EXOC6B: variants seen among roughly 807,000 people sequenced by gnomAD.
EXOC6B encodes SEC15 homolog B.
In EXOC6B, 54 loss-of-function variants were observed where a neutral mutation model predicts 113.5. The ratio of observed to expected loss-of-function variants is 0.48; its 90% CI spans 0.38 to 0.60. The LOEUF is 0.60. Ranked by LOEUF, EXOC6B falls within the 20% of genes least tolerant of loss-of-function variation. The pLI is 0.00. For synonymous variants in EXOC6B, 357 were observed against 339.0 expected, an observed-to-expected ratio of 1.05 and a Z score of -0.58; for missense variants, 797 against 977.5, an observed-to-expected ratio of 0.82 and a Z score of 2.46.
chr2:72,193,309 C>A (rs374273014), intron 20 of EXOC6B, among the ~76,000 whole-genome samples: 4 of 152,178 alleles, frequency 2.6e-5, no homozygotes, highest in Admixed American at 6.5e-5. Context: ...TAGAATTGAC[C>A]AATGACCCAT....
chr2:72,344,447 A>T, intron 19 of EXOC6B, among the ~76,000 whole-genome samples: 1 of 148,132 alleles, frequency 6.8e-6, no homozygotes, highest in African/African-American at 2.5e-5. Context: ...GTTTCTGTTG[A>T]TTTACTTTTT....
chr2:72,329,916 A>G (rs1688335201), intron 20 of EXOC6B, among the ~76,000 whole-genome samples: 1 of 152,116 alleles, frequency 6.6e-6, no homozygotes, highest in African/African-American at 2.4e-5. Flanking sequence ...CACTGTGTTT[A>G]CTTTAGATTG....
chr2:72,360,535 A>T (rs1690247682), intron 19 of EXOC6B, among the ~76,000 whole-genome samples: 3 of 152,188 alleles, frequency 2.0e-5, no homozygotes, highest in African/African-American at 7.2e-5. Flanking sequence ...ATGGAGGACT[A>T]GTGTCTGCTG....
At chr2:72,511,129 C>T (rs143128681) in intron 11 of EXOC6B, among the ~76,000 whole-genome samples, 156 of 152,080 alleles carry the variant, frequency 1.0e-3, no homozygotes, top group African/African-American at 3.4e-3. Flanking sequence ...GTTCTGTATA[C>T]TATAACAAAA....
Position 72,201,094 on chromosome 2 carries a change from A to G in EXOC6B, c.2197-16907T>C, listed in dbSNP as rs575912803. Among the ~76,000 whole-genome samples, 18 of 151,918 alleles carry G rather than the reference A, an allele frequency of 1.2e-4. 1 individual carries two copies. The South Asian group carries it at 3.7e-3, about 32-fold the overall frequency. ...ATGTTCTGTTTTTTAGTTTATATAT[A>G]TATATACACACACACACATACTAGG... On this transcript the variant is annotated intron_variant, in intron 20 of 21. Coordinates refer to ENST00000272427, the MANE Select transcript of EXOC6B (RefSeq NM_015189.3).
intron 19 of EXOC6B, among the ~76,000 whole-genome samples, chr2:72,357,855 C>T (rs375770291): frequency 2.6e-4 from 39 of 152,244 alleles, no homozygotes; most frequent in African/African-American, 7.9e-4. Flanking sequence ...ATTATACATG[C>T]TGTACAGGTT....
chr2:72,628,040 A>G (rs1370412894), intron 6 of EXOC6B, among the ~76,000 whole-genome samples: 1 of 152,200 alleles, frequency 6.6e-6, no homozygotes, highest in Non-Finnish European at 1.5e-5. Context: ...GAATTTCCAA[A>G]TTTTAAACAG....
intron 6 of EXOC6B, among the ~76,000 whole-genome samples, chr2:72,618,350 C>A (rs749691595): frequency 4.9e-4 from 74 of 151,872 alleles, no homozygotes; most frequent in Non-Finnish European, 1.0e-3. Flanking sequence ...GCCTGGGTGA[C>A]GAGAGTGAAA....
chr2:72,498,846 AT>A (rs1558734733), intron 12 of EXOC6B, among the ~76,000 whole-genome samples: 1 of 152,134 alleles, frequency 6.6e-6, no homozygotes, highest in Admixed American at 6.5e-5. Context: ...ATCCCTTCCT[AT>A]AAGTCCTACT....
intron 20 of EXOC6B, among the ~76,000 whole-genome samples, chr2:72,283,124 A>G (rs1161522707): frequency 6.6e-6 from 1 of 152,172 alleles, no homozygotes; most frequent in African/African-American, 2.4e-5. Flanking sequence ...AGGACACATA[A>G]GACATTTACC....
At chr2:72,259,448 G>GA (rs1185425951) in intron 20 of EXOC6B, among the ~76,000 whole-genome samples, 1 of 152,000 alleles carries the variant, frequency 6.6e-6, no homozygotes. Context: ...GAACTCTTGG[G>GA]ATCTTTCATC....
chr2:72,556,227 A>C (rs1288960218), intron 8 of EXOC6B, among the ~76,000 whole-genome samples: 1 of 152,190 alleles, frequency 6.6e-6, no homozygotes, highest in Non-Finnish European at 1.5e-5. Context: ...ACTTTTAGCC[A>C]AAGCTCTAGA....
intron 1 of EXOC6B, among the ~76,000 whole-genome samples, chr2:72,802,078 A>G (rs758602763): frequency 6.6e-6 from 1 of 152,204 alleles, no homozygotes; most frequent in Non-Finnish European, 1.5e-5. Context: ...TACTCCCAGC[A>G]CTTTGGGAGG....
At chr2:72,272,657 C>A (rs1157948383) in intron 20 of EXOC6B, among the ~76,000 whole-genome samples, 1 of 152,190 alleles carries the variant, frequency 6.6e-6, no homozygotes, top group East Asian at 1.9e-4. Context: ...AACAACTAAG[C>A]CTTAGTAACA....
intron 11 of EXOC6B, among the ~76,000 whole-genome samples, chr2:72,504,056 T>C (rs1700476694): frequency 6.6e-6 from 1 of 152,074 alleles, no homozygotes. Flanking sequence ...CACAGGCACA[T>C]GCAACCATGT....
At chr2:72,230,208 T>G (rs1041115942) in intron 20 of EXOC6B, among the ~76,000 whole-genome samples, 7 of 152,282 alleles carry the variant, frequency 4.6e-5, no homozygotes, top group Middle Eastern at 3.4e-3. Context: ...TGTCCCAAAT[T>G]TATTTACTAT....
chr2:72,676,777 A>G (rs187779162), intron 6 of EXOC6B, among the ~76,000 whole-genome samples: 1 of 152,318 alleles, frequency 6.6e-6, no homozygotes, highest in East Asian at 1.9e-4. Flanking sequence ...CTCTAACCAA[A>G]GAGGGCAAGA....
chr2:72,483,439 T>C (rs918285276), intron 16 of EXOC6B, among the ~76,000 whole-genome samples: 1 of 152,194 alleles, frequency 6.6e-6, no homozygotes, highest in African/African-American at 2.4e-5. Flanking sequence ...GAGAAAATTA[T>C]CCTGTTTTAC....
Position 72,465,273 on chromosome 2 carries a change from G to A in EXOC6B, c.1867C>T (p.Gln623Ter). The A allele has an allele frequency of 2.5e-6, 4 of 1,609,650 alleles. No individual in the cohort carries two copies. Among genetic ancestry groups the A allele is most frequent in the Non-Finnish European group, 3.4e-6 (4 of 1,177,812 alleles). The change falls in exon 18 of 22, where the codon CAG (glutamine) becomes TAG (stop). Residue 623 changes from glutamine (Q) to a stop codon, truncating the protein, a stop_gained. Coordinates refer to ENST00000272427, the MANE Select transcript of EXOC6B (RefSeq NM_015189.3). LOFTEE classifies it high-confidence loss of function. ...NLNQKIDQFL[Q>*]LADYDWMTGD... ...GTCATCCAGTCATAGTCTGCCAGCT[G>A]TAGGAACTGGTCAATCTTCTGGTTT...
Sources: gnomAD v4.1 joint callset for allele counts (sites outside exome capture counted in the v4.1 genomes callset) on GRCh38, gnomAD v4.1.1 for gene constraint, MANE v1.5 for transcripts, NCBI Gene and HGNC (gene_info 2026-07-23, HGNC 2026-07-21) for gene names.